Variants in NELL2 observed in about 807,000 individuals in gnomAD.
The protein encoded by NELL2 is neural EGFL like 2.
Under a neutral mutation model 109.6 loss-of-function variants are expected in NELL2, and 41 were observed. The observed-to-expected ratio is 0.37, with a 90% confidence interval of 0.29 to 0.49. The LOEUF (loss-of-function observed/expected upper bound fraction) is 0.49. NELL2 is among the 20% of genes least tolerant of loss of function. The pLI is 0.98. For synonymous variants in NELL2, 355 were observed against 344.7 expected (o/e 1.03, Z -0.33); for missense variants, 900 against 1,008.3 (o/e 0.89, Z 1.45).
At chr12:44,564,947 C>T (rs1943599438) in intron 15 of NELL2, among the ~76,000 whole-genome samples, 1 of 152,142 alleles carries the variant, frequency 6.6e-6, no homozygotes, top group South Asian at 2.1e-4. Flanking sequence ...CTGTATATCC[C>T]TTACAGCAGT....
chr12:44,614,845 C>T (rs1247546231), intron 13 of NELL2, among the ~76,000 whole-genome samples: 1 of 151,902 alleles, frequency 6.6e-6, no homozygotes, highest in African/African-American at 2.4e-5. Flanking sequence ...AATAGATGTA[C>T]AATAGAACAT....
At chr12:44,670,261 G>C (rs1249343697) in intron 12 of NELL2, among the ~76,000 whole-genome samples, 1 of 152,054 alleles carries the variant, frequency 6.6e-6, no homozygotes, top group Non-Finnish European at 1.5e-5. Flanking sequence ...ATATCTGAAA[G>C]TGAAAGAAAG....
intron 15 of NELL2, among the ~76,000 whole-genome samples, chr12:44,538,213 T>C (rs1031440644): frequency 3.3e-4 from 50 of 152,302 alleles, no homozygotes; most frequent in African/African-American, 1.1e-3. Context: ...AGATCAACAC[T>C]TGGCCAAACA....
At chr12:44,848,273 C>A (rs1448542208) in intron 2 of NELL2, among the ~76,000 whole-genome samples, 1 of 152,022 alleles carries the variant, frequency 6.6e-6, no homozygotes, top group East Asian at 1.9e-4. Context: ...TTATAGAAAG[C>A]GATGCAGAGG....
chr12:44,889,581 T>C (rs924374117), intron 1 of NELL2, among the ~76,000 whole-genome samples: 3 of 152,048 alleles, frequency 2.0e-5, no homozygotes, highest in Non-Finnish European at 2.9e-5. Context: ...GGGCTTTGCC[T>C]ATCATTAGGG....
chr12:44,914,324 A>C (rs1255711220), upstream of NELL2, among the ~76,000 whole-genome samples: 1 of 151,986 alleles, frequency 6.6e-6, no homozygotes, highest in Non-Finnish European at 1.5e-5. Context: ...CCTTACTGTC[A>C]ATATTTCTAA....
intron 12 of NELL2, among the ~76,000 whole-genome samples, chr12:44,691,644 T>G (rs1018035421): frequency 6.6e-6 from 1 of 152,048 alleles, no homozygotes; most frequent in African/African-American, 2.4e-5. Flanking sequence ...GTTAGCCAAG[T>G]TGTAAATGCA....
In NELL2 at chr12:44,795,403, A is replaced by T. The variant is rs141315166; in HGVS notation, c.336-15381T>A. ...CTACTACCTGTGACCTAGGTAGATC[A>T]TCTAACCTCTCAATGCTTCAGTTTC... On this transcript the variant is annotated intron_variant, in intron 3 of 19. Coordinates refer to ENST00000429094, the MANE Select transcript of NELL2 (RefSeq NM_001145108.2). 2.3e-3 allele frequency among the ~76,000 whole-genome samples: 345 copies of T among 152,292 alleles called. 2 individuals are homozygous for T. Among genetic ancestry groups the T allele is most frequent in the African/African-American group, 7.7e-3 (319 of 41,562 alleles).
intron 15 of NELL2, among the ~76,000 whole-genome samples, chr12:44,559,832 A>G (rs975757371): frequency 3.3e-5 from 5 of 152,218 alleles, no homozygotes; most frequent in African/African-American, 1.2e-4. Context: ...AGTGGACTTA[A>G]TAGACATCTA....
intron 2 of NELL2, among the ~76,000 whole-genome samples, chr12:44,839,277 T>A (rs890200226): frequency 4.6e-5 from 7 of 152,184 alleles, no homozygotes; most frequent in African/African-American, 1.4e-4. Context: ...GGCATTATAG[T>A]CATTATCAGG....
intron 12 of NELL2, among the ~76,000 whole-genome samples, chr12:44,697,839 T>C (rs1417290010): frequency 6.6e-6 from 1 of 152,172 alleles, no homozygotes; most frequent in Non-Finnish European, 1.5e-5. Context: ...ACAAACTGGG[T>C]GTCTTGCACA....
rs567330399 is a variant in NELL2, at chr12:44,674,222, C to T, written c.1319-8613G>A. Among the ~76,000 whole-genome samples, 15 of 152,178 alleles carry T rather than the reference C, an allele frequency of 9.9e-5. 1 individual carries two copies. In the South Asian group the frequency reaches 3.1e-3, roughly 32 times the overall value. On this transcript the variant is annotated intron_variant, in intron 12 of 19. Transcript: ENST00000429094. ...TGATATAAATAATTTTCTGACTCTG[C>T]CCCCTCCTACCAACTTGAGAAGCTG...
chr12:44,683,118 T>G (rs897893674), intron 12 of NELL2, among the ~76,000 whole-genome samples: 6 of 152,196 alleles, frequency 3.9e-5, no homozygotes, highest in African/African-American at 1.2e-4. Context: ...GTAGTTCTCC[T>G]TGAAGAGGTC....
chr12:44,778,784 T>A (rs939224970), intron 5 of NELL2, among the ~76,000 whole-genome samples: 1 of 152,224 alleles, frequency 6.6e-6, no homozygotes, highest in Admixed American at 6.5e-5. Context: ...GCATCAAGAC[T>A]AGCAAGGCTA....
chr12:44,531,502 G>C (rs1942053635), intron 16 of NELL2, among the ~76,000 whole-genome samples: 1 of 152,094 alleles, frequency 6.6e-6, no homozygotes, highest in African/African-American at 2.4e-5. Flanking sequence ...CCAGGTTTTA[G>C]CCCCCAGTAA....
chr12:44,869,415 G>A (rs1055980054), intron 2 of NELL2, among the ~76,000 whole-genome samples: 8 of 152,160 alleles, frequency 5.3e-5, no homozygotes, highest in African/African-American at 1.7e-4. Context: ...TAGCTTCATA[G>A]AAAGATGTTG....
intron 19 of NELL2, among the ~76,000 whole-genome samples, chr12:44,515,080 A>G (rs1338239343): frequency 6.6e-6 from 1 of 151,826 alleles, no homozygotes; most frequent in Non-Finnish European, 1.5e-5. Context: ...AAACAGGTGT[A>G]TAAAATATAG....
At chr12:44,892,730 G>A (rs1172827444) in intron 1 of NELL2, among the ~76,000 whole-genome samples, 34 of 149,630 alleles carry the variant, frequency 2.3e-4, no homozygotes, top group African/African-American at 6.9e-4. Flanking sequence ...CCCGGGAGGC[G>A]GAGCTTGCAG....
rs1945432284 is a variant in NELL2, at chr12:44,607,042, T to C, written c.1663+127A>G. The C allele has an allele frequency of 1.2e-5, 9 of 721,976 alleles. No homozygotes were observed. The South Asian group carries it at 2.3e-4, about 19-fold the overall frequency. The allele number at this position is 721,976 out of a possible 1,614,324, so 44.7% of individuals were successfully genotyped here. A position where few individuals can be genotyped will look rare whatever the true frequency, so the allele number is the denominator to read the frequency against. On this transcript the variant is annotated intron_variant, in intron 15 of 19. Transcript: ENST00000429094. The stretch of plus-strand genomic sequence containing the variant: ...GAAACTTCCCACCTCCTCCCTCCTA[T>C]CACTTCCTTATTAATAGCTCCATGC...
Sources: allele counts gnomAD v4.1 joint callset (sites outside exome capture counted in the v4.1 genomes callset), GRCh38; gene constraint gnomAD v4.1.1; transcripts MANE v1.5; gene names NCBI Gene and HGNC (gene_info 2026-07-23, HGNC 2026-07-21).